The following FHIT variants were observed in gnomAD, a reference collection of about 807,000 sequenced individuals.
The protein encoded by FHIT is bis(5'-adenosyl)-triphosphatase.
FHIT carries 19 observed loss-of-function variants against 17.9 expected under a neutral mutation model. That is an observed-to-expected ratio of 1.06 (90% confidence interval 0.74 to 1.56). The LOEUF is 1.56. Ranked by LOEUF, FHIT falls within the 40% of genes most tolerant of loss-of-function variation. The probability of loss-of-function intolerance (pLI) is 0.00; values close to 1 mark genes in which losing one functional copy is unlikely to be tolerated. For missense variants in FHIT, 248 were observed against 189.2 expected, an observed-to-expected ratio of 1.31 and a Z score of -1.82; for synonymous variants, 81 against 69.7, an observed-to-expected ratio of 1.16 and a Z score of -0.81.
intron 5 of FHIT, among the ~76,000 whole-genome samples, chr3:60,317,689 G>A (rs1414437561): frequency 6.8e-6 from 1 of 148,072 alleles, no homozygotes; most frequent in Admixed American, 6.7e-5. Context: ...GTGCCAACAT[G>A]ACAACAAGTA....
chr3:60,705,398 A>C lies in FHIT; in HGVS notation c.-18+116521T>G, dbSNP rs539373337. On this transcript the variant is annotated intron_variant, in intron 4 of 9. Coordinates refer to ENST00000492590, the MANE Select transcript of FHIT (RefSeq NM_002012.4). ...CAGGCAAGCAAAGCTAATGAAGTGA[A>C]GGCTTGTCACCCCAAGTTGCAAAAA... Among the ~76,000 whole-genome samples the C allele has an allele frequency of 2.3e-4, 35 of 152,350 alleles. No homozygotes were observed. The South Asian group carries it at 6.2e-3, about 27-fold the overall frequency.
chr3:60,130,359 G>A (rs370456329), intron 5 of FHIT, among the ~76,000 whole-genome samples: 3 of 152,170 alleles, frequency 2.0e-5, no homozygotes, highest in East Asian at 1.9e-4. Flanking sequence ...TCAGGCTAAC[G>A]GCTGGCTATA....
chr3:60,193,066 C>G (rs192189347), intron 5 of FHIT, among the ~76,000 whole-genome samples: 1 of 152,296 alleles, frequency 6.6e-6, no homozygotes, highest in East Asian at 1.9e-4. Context: ...CACCAGACTG[C>G]ACTCAGAAAA....
chr3:60,443,368 C>T (rs1482858054), intron 5 of FHIT, among the ~76,000 whole-genome samples: 13 of 152,130 alleles, frequency 8.5e-5, no homozygotes, highest in Admixed American at 5.2e-4. Flanking sequence ...AAAGGGAATG[C>T]TTCCAGTTTT....
intron 3 of FHIT, among the ~76,000 whole-genome samples, chr3:60,988,721 C>A (rs2029886392): frequency 1.3e-5 from 2 of 151,978 alleles, no homozygotes; most frequent in South Asian, 2.1e-4. Context: ...AGGTAAAGGG[C>A]AAGAGGTGAT....
At chr3:59,928,053 G>A (rs1705762123) in intron 7 of FHIT, among the ~76,000 whole-genome samples, 1 of 152,152 alleles carries the variant, frequency 6.6e-6, no homozygotes, top group African/African-American at 2.4e-5. Context: ...AAAGAGCAAG[G>A]AAGGCTGAAG....
intron 5 of FHIT, among the ~76,000 whole-genome samples, chr3:60,496,788 G>A (rs1454343464): frequency 1.3e-5 from 2 of 152,104 alleles, no homozygotes; most frequent in Admixed American, 1.3e-4. Context: ...ATACAATACA[G>A]GAGGTAAAAA....
intron 5 of FHIT, among the ~76,000 whole-genome samples, chr3:60,096,341 T>C (rs968668578): frequency 1.3e-5 from 2 of 152,176 alleles, no homozygotes; most frequent in Admixed American, 6.5e-5. Flanking sequence ...TCTGGGGCTT[T>C]TATAGGCTCA....
intron 1 of FHIT, among the ~76,000 whole-genome samples, chr3:61,210,144 A>T (rs1037370675): frequency 6.6e-6 from 1 of 152,178 alleles, no homozygotes; most frequent in African/African-American, 2.4e-5. Flanking sequence ...ATGAACCGCA[A>T]ATGCTACTGC....
At chr3:60,787,864 A>G (rs546451805) in intron 4 of FHIT, among the ~76,000 whole-genome samples, 1 of 152,248 alleles carries the variant, frequency 6.6e-6, no homozygotes, top group South Asian at 2.1e-4. Context: ...ATTAAATGCC[A>G]GGTTGTTGGG....
At chr3:61,121,232 A>G (rs2036447451) in intron 2 of FHIT, among the ~76,000 whole-genome samples, 1 of 152,168 alleles carries the variant, frequency 6.6e-6, no homozygotes, top group Non-Finnish European at 1.5e-5. Flanking sequence ...CAAATTCAGG[A>G]AATACAGAGA....
At chr3:60,111,837 C>T (rs1704684828) in intron 5 of FHIT, among the ~76,000 whole-genome samples, 1 of 152,172 alleles carries the variant, frequency 6.6e-6, no homozygotes, top group Non-Finnish European at 1.5e-5. Flanking sequence ...GCCAAGGCCT[C>T]CCAGGCATCT....
chr3:60,686,722 T>C (rs9873238), intron 4 of FHIT, among the ~76,000 whole-genome samples: 2,854 of 152,242 alleles, frequency 0.019, 109 homozygotes, highest in African/African-American at 0.064. Context: ...TTTAATGACA[T>C]TCCTCCCTTA....
chr3:59,935,679 ATGGGTGGATGGATGAATAGATGGATGAG>A (rs1706200588), intron 7 of FHIT, among the ~76,000 whole-genome samples: 1 of 150,678 alleles, frequency 6.6e-6, no homozygotes, highest in Admixed American at 6.6e-5. Context: ...GGGTGAATGG[ATGGGTGGATGGATGAATAGATGGATGAG>A]TGGGTGGGTG....
chr3:60,302,668 C>T lies in FHIT; in HGVS notation c.103+234192G>A, dbSNP rs574100690. 6.2e-4 allele frequency among the ~76,000 whole-genome samples: 95 copies of T among 152,150 alleles called. 1 individual carries two copies. Among genetic ancestry groups the T allele is most frequent in the Admixed American group, 2.2e-3 (33 of 15,270 alleles). On this transcript the variant is annotated intron_variant, in intron 5 of 9. Transcript: ENST00000492590. ...ATTTCAAAGGTTGTCTTTCGTATTC[C>T]CCAGTCTTCCAACAATCATATTTCA...
In FHIT at chr3:60,021,123, A is replaced by G. The variant is rs189950156; in HGVS notation, c.104-6971T>C. Among the ~76,000 whole-genome samples the G allele has an allele frequency of 1.8e-3, 269 of 152,336 alleles. 1 individual carries two copies. In the Middle Eastern group the frequency reaches 0.02, roughly 12 times the overall value. On this transcript the variant is annotated intron_variant, in intron 5 of 9. Coordinates refer to ENST00000492590, the MANE Select transcript of FHIT (RefSeq NM_002012.4). ...TAAATTCCAGAGCAGTGTGATTAAG[A>G]TAATGATAACACTCTGCTCAGAGCT...
chr3:60,837,828 C>G (rs994039881), intron 3 of FHIT, among the ~76,000 whole-genome samples: 2 of 152,070 alleles, frequency 1.3e-5, no homozygotes, highest in African/African-American at 4.8e-5. Context: ...TATAACTAAA[C>G]AGTTTACTGG....
intron 7 of FHIT, among the ~76,000 whole-genome samples, chr3:59,955,092 G>A (rs1430685657): frequency 6.6e-6 from 1 of 152,164 alleles, no homozygotes; most frequent in African/African-American, 2.4e-5. Flanking sequence ...CTTCACAACT[G>A]TAATATAGGA....
intron 4 of FHIT, chr3:60,732,643 T>C (rs2107991202): frequency 4.4e-6 from 2 of 452,648 alleles, no homozygotes; most frequent in East Asian, 9.8e-5. Flanking sequence ...CCATGGCTGA[T>C]AGTAGGGTGC....
Sources: gnomAD v4.1 joint callset for allele counts (sites outside exome capture counted in the v4.1 genomes callset) on GRCh38, gnomAD v4.1.1 for gene constraint, MANE v1.5 for transcripts, NCBI Gene and HGNC (gene_info 2026-07-23, HGNC 2026-07-21) for gene names.